PRKCQ: variants seen among roughly 807,000 people sequenced by gnomAD.
PRKCQ encodes the protein protein kinase C theta, also known as protein kinase C theta type.
A neutral mutation model predicts 91.2 loss-of-function variants in PRKCQ; 41 were observed. The observed-to-expected ratio is 0.45, with a 90% CI of 0.35 to 0.58. The LOEUF (loss-of-function observed/expected upper bound fraction) is 0.58, where lower values mean the gene tolerates loss of function less well. Ranked by LOEUF, PRKCQ falls within the 20% of genes least tolerant of loss-of-function variation. The probability of loss-of-function intolerance (pLI) is 0.00; values close to 1 mark genes in which losing one functional copy is unlikely to be tolerated. For missense variants in PRKCQ, 673 were observed against 896.5 expected, an observed-to-expected ratio of 0.75 and a Z score of 3.18; for synonymous variants, 307 against 316.9, an observed-to-expected ratio of 0.97 and a Z score of 0.33.
At chr10:6,472,555 T>C (rs1460081977) in intron 12 of PRKCQ, among the ~76,000 whole-genome samples, 1 of 152,230 alleles carries the variant, frequency 6.6e-6, no homozygotes, top group Non-Finnish European at 1.5e-5. Flanking sequence ...AAATGCGTTT[T>C]ACGCCTTGAG....
chr10:6,487,191 T>A (rs182186808), intron 8 of PRKCQ, among the ~76,000 whole-genome samples: 5 of 152,258 alleles, frequency 3.3e-5, no homozygotes, highest in South Asian at 2.1e-4. Context: ...TAGATGAGAA[T>A]GTTAACTAAG....
chr10:6,443,415 G>A (rs1717228443), intron 15 of PRKCQ, among the ~76,000 whole-genome samples: 1 of 152,188 alleles, frequency 6.6e-6, no homozygotes, highest in Admixed American at 6.5e-5. Context: ...GACTCTAAGT[G>A]TCCATCAGTG....
In PRKCQ at chr10:6,483,500, A is replaced by C; in HGVS notation, c.1119T>G (p.Ile373Met). The change falls in exon 11 of 18, where the codon ATT becomes ATG. Residue 373 changes from isoleucine (I) to methionine (M), a missense_variant. Transcript: ENST00000263125. The part of the protein sequence containing the change: ...ELNKERPSLQ[I>M]KLKIEDFILH... The stretch of plus-strand genomic sequence containing the variant: ...AGATAAAATCCTCAATTTTTAGTTT[A>C]ATCTGCAGAGATGGTCTTTCTTTGT... The C allele has an allele frequency of 6.2e-7, 1 of 1,614,246 alleles. No individual in the cohort carries two copies. Among genetic ancestry groups the C allele is most frequent in the Admixed American group, 1.7e-5 (1 of 60,026 alleles).
intron 3 of PRKCQ, among the ~76,000 whole-genome samples, chr10:6,508,534 T>C (rs561114171): frequency 6.6e-6 from 1 of 152,370 alleles, no homozygotes; most frequent in Admixed American, 6.5e-5. Flanking sequence ...AATTTTATGA[T>C]AAAATAAGCT....
At chr10:6,440,645 G>A (rs925909337) in intron 16 of PRKCQ, among the ~76,000 whole-genome samples, 9 of 152,084 alleles carry the variant, frequency 5.9e-5, no homozygotes, top group African/African-American at 9.7e-5. Flanking sequence ...TGCCAATCAC[G>A]AGCTCTGAGC....
At chr10:6,489,875 G>A (rs749610813) in intron 8 of PRKCQ, among the ~76,000 whole-genome samples, 8 of 152,078 alleles carry the variant, frequency 5.3e-5, no homozygotes, top group Non-Finnish European at 7.4e-5. Flanking sequence ...AGGAACCCCT[G>A]GGAAGTTCTA....
chr10:6,412,203 G>T, the PRKCQ span, among the ~76,000 whole-genome samples: 3 of 152,308 alleles, frequency 2.0e-5, no homozygotes, highest in African/African-American at 4.8e-5. Flanking sequence ...ATGCCATCAT[G>T]CTTGGGAAAA....
rs577942729 is a variant in PRKCQ at position 6,543,966 on chromosome 10, CTG to C, written c.-9-28824_-9-28823del. On this transcript the variant is annotated intron_variant, in intron 1 of 17. Transcript: ENST00000263125. ...AGACATGACCTCCAACCCCACGACA[CTG>C]AGAGAGCTGTCTCTTTCTCAGATGG... 3.3e-4 allele frequency among the ~76,000 whole-genome samples: 51 copies of C among 152,316 alleles called. No individual in the cohort carries two copies. The South Asian group carries it at 7.9e-3, about 24-fold the overall frequency.
At chr10:6,417,970 G>T in the PRKCQ span, among the ~76,000 whole-genome samples, 1 of 152,208 alleles carries the variant, frequency 6.6e-6, no homozygotes, top group South Asian at 2.1e-4. Flanking sequence ...CCAGACATGG[G>T]TCTCCTTCCC....
intron 2 of PRKCQ, among the ~76,000 whole-genome samples, chr10:6,511,872 AC>A (rs1464992808): frequency 6.6e-6 from 1 of 152,140 alleles, no homozygotes; most frequent in Non-Finnish European, 1.5e-5. Context: ...TCAGCCAAAA[AC>A]AACTGTCTAT....
chr10:6,531,284 G>A (rs1334186839), intron 1 of PRKCQ, among the ~76,000 whole-genome samples: 1 of 152,092 alleles, frequency 6.6e-6, no homozygotes, highest in Admixed American at 6.5e-5. Context: ...TATTTGCTCA[G>A]AATCCAGCAC....
At chr10:6,445,497 C>T (rs954345209) in intron 15 of PRKCQ, among the ~76,000 whole-genome samples, 6 of 152,142 alleles carry the variant, frequency 3.9e-5, no homozygotes, top group African/African-American at 7.2e-5. Context: ...ATATCTGGCC[C>T]GCTTCTTATA....
At chr10:6,443,706 G>A (rs1317502228) in intron 15 of PRKCQ, among the ~76,000 whole-genome samples, 2 of 152,188 alleles carry the variant, frequency 1.3e-5, no homozygotes, top group South Asian at 2.1e-4. Flanking sequence ...CCTCCACACA[G>A]AGGAATATTA....
At chr10:6,547,574 G>A (rs1205364492) in intron 1 of PRKCQ, among the ~76,000 whole-genome samples, 1 of 148,234 alleles carries the variant, frequency 6.7e-6, no homozygotes, top group Non-Finnish European at 1.5e-5. Flanking sequence ...CAGAAATAAG[G>A]CCACATATCT....
Position 6,430,774 on chromosome 10 carries a change from T to C in PRKCQ, c.1965+36A>G. The stretch of plus-strand genomic sequence containing the variant: ...CAGACGGCCCTGAGCGGAGGGAGAG[T>C]GGCTGACACCAAGCGGCCCATGAGC... On this transcript the variant is annotated intron_variant, in intron 17 of 17. Coordinates refer to ENST00000263125, the MANE Select transcript of PRKCQ (RefSeq NM_006257.5). The surrounding 1 kb of genome is among the most constrained non-coding windows in gnomAD (Gnocchi z 4.7). 1.2e-6 allele frequency: 2 copies of C among 1,603,422 alleles called. No homozygotes were observed.
intron 1 of PRKCQ, among the ~76,000 whole-genome samples, chr10:6,575,998 C>T (rs1228960272): frequency 1.3e-5 from 2 of 152,158 alleles, no homozygotes; most frequent in Non-Finnish European, 2.9e-5. Flanking sequence ...TGAGATCATG[C>T]CACTGCACTC....
At chr10:6,487,366 G>A (rs979785395) in intron 8 of PRKCQ, among the ~76,000 whole-genome samples, 15 of 152,210 alleles carry the variant, frequency 9.9e-5, no homozygotes, top group Non-Finnish European at 1.5e-4. Flanking sequence ...AAAGAGGAGA[G>A]GGAAATACTC....
intron 1 of PRKCQ, among the ~76,000 whole-genome samples, chr10:6,538,741 T>C (rs1347324377): frequency 6.6e-6 from 1 of 152,218 alleles, no homozygotes; most frequent in Non-Finnish European, 1.5e-5. Flanking sequence ...AGCTGTTGAC[T>C]TTTACCTATT....
chr10:6,428,017 C>A lies in PRKCQ; in HGVS notation c.*190G>T, dbSNP rs1454465772. ...GAGACATGTCAGGAGACGAGACACA[C>A]GGCATCGTCATTAGTGAAGTAGACT... On this transcript the variant is annotated 3_prime_UTR_variant, in exon 18 of 18. Coordinates refer to ENST00000263125, the MANE Select transcript of PRKCQ (RefSeq NM_006257.5). 2 of 649,948 alleles carry A rather than the reference C, an allele frequency of 3.1e-6. No homozygotes were observed. Among genetic ancestry groups the A allele is most frequent in the Non-Finnish European group, 5.2e-6 (2 of 385,012 alleles). The allele number at this position is 649,948 out of a possible 1,614,324, so 40.3% of individuals were successfully genotyped here.
Sources: gnomAD v4.1 joint callset for allele counts (sites outside exome capture counted in the v4.1 genomes callset) on GRCh38, gnomAD v4.1.1 for gene constraint, Gnocchi (gnomAD v3.1) non-coding constraint, MANE v1.5 for transcripts, NCBI Gene and HGNC (gene_info 2026-07-23, HGNC 2026-07-21) for gene names.